Variants in ADGRL2 observed in about 807,000 individuals in gnomAD.
ADGRL2 encodes the protein calcium-independent alpha-latrotoxin receptor 2.
A neutral mutation model predicts 157.4 loss-of-function variants in ADGRL2; 44 were observed. The ratio of observed to expected loss-of-function variants is 0.28; its 90% CI spans 0.22 to 0.36. The LOEUF is 0.36. ADGRL2 is among the 10% of genes least tolerant of loss of function. ADGRL2 has a pLI of 1.00. For synonymous variants in ADGRL2, 585 were observed against 624.7 expected, an observed-to-expected ratio of 0.94 and a Z score of 0.95; for missense variants, 1,510 against 1,768.9, an observed-to-expected ratio of 0.85 and a Z score of 2.63.
At chr1:81,347,201 C>A (rs747862736) in intron 1 of ADGRL2, among the ~76,000 whole-genome samples, 2 of 151,934 alleles carry the variant, frequency 1.3e-5, no homozygotes, top group Admixed American at 6.6e-5. Context: ...GAGTTTGAGA[C>A]CAGCCTGTCC....
chr1:81,920,705 A>G (rs1202561369), intron 3 of ADGRL2, among the ~76,000 whole-genome samples: 5 of 152,110 alleles, frequency 3.3e-5, no homozygotes, highest in African/African-American at 1.2e-4. Context: ...CCAACCCTGC[A>G]TCTGTCATGG....
chr1:81,609,534 A>G (rs749970244), intron 3 of ADGRL2, among the ~76,000 whole-genome samples: 3 of 152,184 alleles, frequency 2.0e-5, no homozygotes, highest in South Asian at 2.1e-4. Context: ...GCCACACATA[A>G]GAACTTTATT....
chr1:81,635,182 C>T (rs939781784), intron 3 of ADGRL2, among the ~76,000 whole-genome samples: 2 of 152,186 alleles, frequency 1.3e-5, no homozygotes, highest in African/African-American at 4.8e-5. Flanking sequence ...ACAGCAGTAA[C>T]TTACTTATAA....
At chr1:81,675,841 A>C (rs2082976281) in intron 3 of ADGRL2, among the ~76,000 whole-genome samples, 3 of 152,128 alleles carry the variant, frequency 2.0e-5, no homozygotes, top group Admixed American at 1.3e-4. Context: ...TGGACTCTCA[A>C]AGTGCTGGGA....
At chr1:81,768,063 A>G (rs1197424522) in intron 2 of ADGRL2, among the ~76,000 whole-genome samples, 2 of 152,046 alleles carry the variant, frequency 1.3e-5, no homozygotes, top group Non-Finnish European at 2.9e-5. Context: ...TATTATTTTT[A>G]GAGACAAGAC....
intron 1 of ADGRL2, among the ~76,000 whole-genome samples, chr1:81,414,880 A>T (rs2077007400): frequency 6.6e-6 from 1 of 152,200 alleles, no homozygotes; most frequent in Non-Finnish European, 1.5e-5. Flanking sequence ...CCAGTTGCAA[A>T]GGAAAATCTT....
At chr1:81,703,944 A>C (rs2083653253) in intron 1 of ADGRL2, among the ~76,000 whole-genome samples, 1 of 152,240 alleles carries the variant, frequency 6.6e-6, no homozygotes, top group Admixed American at 6.5e-5. Context: ...GAAGTAAAGG[A>C]GGCCAATAAG....
Position 81,533,582 on chromosome 1 carries a change from T to C in ADGRL2, c.-247-47294T>C, listed in dbSNP as rs538431087. On this transcript the variant is annotated intron_variant, in intron 2 of 24. Coordinates refer to the ADGRL2 transcript ENST00000370721. ...AGGCTTCTTTTCCTTGCAGTTATAC[T>C]TAAGGGTCCTTTAATTTTAAAGAAA... Among the ~76,000 whole-genome samples, 35 of 152,314 alleles carry C rather than the reference T, an allele frequency of 2.3e-4. 1 individual carries two copies. In the East Asian group the frequency reaches 4.0e-3, roughly 18 times the overall value.
chr1:81,892,925 T>C (rs1241836718), intron 2 of ADGRL2, among the ~76,000 whole-genome samples: 1 of 152,182 alleles, frequency 6.6e-6, no homozygotes, highest in East Asian at 1.9e-4. Flanking sequence ...TTGTAAAACA[T>C]TTGAGTATTT....
intron 2 of ADGRL2, among the ~76,000 whole-genome samples, chr1:81,567,995 T>A (rs547679304): frequency 1.3e-5 from 2 of 152,198 alleles, no homozygotes; most frequent in Middle Eastern, 3.4e-3. Context: ...TACTTTTTTT[T>A]AAGTCTGCTT....
In ADGRL2 at chr1:81,952,099, T is replaced by C; in HGVS notation, c.1751T>C (p.Leu584Pro). 1.2e-6 allele frequency: 2 copies of C among 1,612,960 alleles called. No individual in the cohort carries two copies. Among genetic ancestry groups the C allele is most frequent in the Non-Finnish European group, 1.7e-6 (2 of 1,179,380 alleles). ...ATCCTTGATGCACAGCTGCAGGAAC[T>C]GAAACCTAGTGAAAAAGATTCAGCT... Reference protein sequence around the residue: ...VDILDAQLQELKPSEKDSAGR... With the variant: ...VDILDAQLQEPKPSEKDSAGR... The change falls in exon 9 of 24, where the codon CTG becomes CCG. Residue 584 changes from leucine to proline, a missense_variant. Physicochemically the swap from Leu to Pro is moderately conservative, Grantham distance 98. This residue lies in a region of ADGRL2 where 325 missense variants were observed against 333.2 expected (regional missense o/e 0.98). Coordinates refer to ENST00000686636, the MANE Select transcript of ADGRL2 (RefSeq NM_001366006.2).
chr1:81,352,234 C>T (rs1645349121), intron 1 of ADGRL2, among the ~76,000 whole-genome samples: 1 of 152,164 alleles, frequency 6.6e-6, no homozygotes, highest in African/African-American at 2.4e-5. Flanking sequence ...TTGTATCATC[C>T]CAAATACCTG....
chr1:81,334,472 A>T (rs756517849), intron 1 of ADGRL2, among the ~76,000 whole-genome samples: 1 of 152,202 alleles, frequency 6.6e-6, no homozygotes, highest in African/African-American at 2.4e-5. Flanking sequence ...CTGTGTTGCA[A>T]CTTTCCCAAA....
At chr1:81,434,097 A>G (rs531271453) in intron 1 of ADGRL2, among the ~76,000 whole-genome samples, 24 of 152,154 alleles carry the variant, frequency 1.6e-4, no homozygotes, top group Non-Finnish European at 3.1e-4. Flanking sequence ...GCCCCACTCT[A>G]TGCATCAAGC....
At chr1:81,664,068 TTTTG>T (rs1319052949) in intron 3 of ADGRL2, among the ~76,000 whole-genome samples, 1 of 152,156 alleles carries the variant, frequency 6.6e-6, no homozygotes, top group Non-Finnish European at 1.5e-5. Flanking sequence ...TCAATTGCTT[TTTTG>T]TTTTTGTTTT....
chr1:81,937,822 G>T (rs2095332293), intron 4 of ADGRL2, among the ~76,000 whole-genome samples: 1 of 151,610 alleles, frequency 6.6e-6, no homozygotes, highest in Non-Finnish European at 1.5e-5. Context: ...CAAAAGCTAG[G>T]TCATTAGTTC....
At chr1:81,817,799 C>T (rs998881398) in intron 1 of ADGRL2, among the ~76,000 whole-genome samples, 2 of 151,862 alleles carry the variant, frequency 1.3e-5, no homozygotes, top group Non-Finnish European at 2.9e-5. Flanking sequence ...CAATTTTTAC[C>T]GTTATCTACC....
chr1:81,855,493 A>G (rs1343410088), intron 2 of ADGRL2, among the ~76,000 whole-genome samples: 1 of 152,066 alleles, frequency 6.6e-6, no homozygotes, highest in African/African-American at 2.4e-5. Flanking sequence ...GGTGCTATTC[A>G]GCTTCAGGTG....
chr1:81,835,569 C>T (rs1250666795), intron 1 of ADGRL2, among the ~76,000 whole-genome samples: 2 of 152,064 alleles, frequency 1.3e-5, no homozygotes, highest in African/African-American at 2.4e-5. Flanking sequence ...GGATGCGTGC[C>T]ATGTGTCTCC....
Sources: gnomAD v4.1 joint callset for allele counts (sites outside exome capture counted in the v4.1 genomes callset) on GRCh38, gnomAD v4.1.1 for gene constraint, gnomAD v4.1.1 regional missense constraint, MANE v1.5 for transcripts, NCBI Gene and HGNC (gene_info 2026-07-23, HGNC 2026-07-21) for gene names.